The following LMNA variants were observed in gnomAD, a reference collection of about 807,000 sequenced individuals.
LMNA encodes lamin.
In LMNA, 20 loss-of-function variants were observed where a neutral mutation model predicts 70.4. The ratio of observed to expected loss-of-function variants is 0.28; its 90% CI spans 0.20 to 0.41. The LOEUF is 0.41. Among genes scored for constraint, LMNA ranks in the 10% least tolerant of loss-of-function variants. The pLI is 1.00. For missense variants in LMNA, 652 were observed against 917.2 expected (o/e 0.71, Z 3.73); for synonymous variants, 339 against 372.8 (o/e 0.91, Z 1.04).
intron 2 of LMNA, among the ~76,000 whole-genome samples, chr1:156,133,351 T>C (rs1204249241): frequency 6.6e-6 from 1 of 151,656 alleles, no homozygotes; most frequent in Admixed American, 6.6e-5. Flanking sequence ...GGTGGGCAGA[T>C]CACGAGGTCA....
chr1:156,118,441 T>A (rs1267705702), intron 1 of LMNA, among the ~76,000 whole-genome samples: 1 of 152,034 alleles, frequency 6.6e-6, no homozygotes. Flanking sequence ...AGGTGGTGTG[T>A]GTACTTGTTA....
intron 1 of LMNA, among the ~76,000 whole-genome samples, chr1:156,119,186 C>T (rs1479973802): frequency 2.0e-5 from 3 of 151,322 alleles, no homozygotes; most frequent in East Asian, 1.9e-4. Flanking sequence ...GGTGCGATCT[C>T]GGCTCATTGC....
chr1:156,115,414 C>T lies in LMNA; in HGVS notation c.356+140C>T. 2 of 771,604 alleles carry T rather than the reference C, an allele frequency of 2.6e-6. No homozygotes were observed. Among genetic ancestry groups the T allele is most frequent in the East Asian group, 2.7e-5 (1 of 37,432 alleles). 47.8% of individuals were successfully genotyped at this position (771,604 alleles called of 1,614,324 possible). ...ATAGTCTCCTCCCTCCCCGGAACTG[C>T]CCCCAGCGGGTGACTGGCAGTGTCA... On this transcript the variant is annotated intron_variant, in intron 1 of 11. Transcript: ENST00000368300. This position sits in a 1 kb window ranked among gnomAD's most constrained non-coding sequence, Gnocchi z 5.8.
At chr1:156,122,229 T>G (rs1224168548) in intron 1 of LMNA, among the ~76,000 whole-genome samples, 1 of 152,194 alleles carries the variant, frequency 6.6e-6, no homozygotes, top group Non-Finnish European at 1.5e-5. Context: ...TGTGGCCCTT[T>G]CACTAAATTG....
In LMNA at chr1:156,138,645, G is replaced by A; in HGVS notation, c.1856G>A (p.Ser619Asn). The A allele has an allele frequency of 6.2e-7, 1 of 1,613,608 alleles. No homozygotes were observed. Among genetic ancestry groups the A allele is most frequent in the Non-Finnish European group, 8.5e-7 (1 of 1,179,970 alleles). ...GPISSGSSAS[S>N]VTVTRSYRSV... The stretch of plus-strand genomic sequence containing the variant: ...ATCTCCTCTGGCTCTTCTGCCTCCA[G>A]TGTCACGGTCACTCGCAGCTACCGC... Residue 619 changes from serine (S) to asparagine (N), a missense_variant, in exon 11 of 12, where the codon AGT (serine) becomes AAT (asparagine). This residue lies in a region of LMNA where 327 missense variants were observed against 387.6 expected (regional missense o/e 0.84). Transcript: ENST00000368300. The surrounding 1 kb of genome is among the most constrained non-coding windows in gnomAD (Gnocchi z 5.5).
Position 156,115,208 on chromosome 1 carries a change from A to C in LMNA, c.290A>C (p.Lys97Thr), listed in dbSNP as rs1060502216. Residue 97 changes from lysine to threonine, a missense_variant, in exon 1 of 12, where the codon AAG becomes ACG. Around this residue, in one of 4 missense-constraint regions of LMNA, gnomAD observed 254 missense variants for 421.9 expected, o/e 0.60. Coordinates refer to ENST00000368300, the MANE Select transcript of LMNA (RefSeq NM_170707.4). This position sits in a 1 kb window ranked among gnomAD's most constrained non-coding sequence, Gnocchi z 5.8. ...DARKTLDSVA[K>T]ERARLQLELS... The stretch of plus-strand genomic sequence containing the variant: ...CGCAAGACCCTTGACTCAGTAGCCA[A>C]GGAGCGCGCCCGCCTGCAGCTGGAG... The C allele has an allele frequency of 5.6e-6, 9 of 1,612,924 alleles. No homozygotes were observed. The highest frequency in any genetic ancestry group is 4.0e-5 in the African/African-American group (3 of 74,948).
At chr1:156,130,046 T>A in intron 1 of LMNA, 1 of 611,628 alleles carries the variant, frequency 1.6e-6, no homozygotes. Context: ...GTCATCCTTG[T>A]CTGAGGTCCC....
At chr1:156,130,997 C>T (rs1651016158) in intron 2 of LMNA, among the ~76,000 whole-genome samples, 1 of 152,166 alleles carries the variant, frequency 6.6e-6, no homozygotes, top group Admixed American at 6.5e-5. Flanking sequence ...GGAGGCCGGG[C>T]ATGGTGGTTC....
rs748768783 is a variant in LMNA, at chr1:156,137,704, C to G, written c.1659C>G (p.Asp553Glu). ...GCTCAGTGACTGTGGTTGAGGACGA[C>G]GAGGATGAGGATGGAGATGACCTGC... is the stretch of plus-strand genomic sequence containing the variant. Reference protein sequence around the residue: ...LVRSVTVVEDDEDEDGDDLLH... With the variant: ...LVRSVTVVEDEEDEDGDDLLH... The change falls in exon 10 of 12, where the codon GAC becomes GAG. Residue 553 changes from aspartate (D) to glutamate (E), a missense_variant. Physicochemically the swap from Asp to Glu is conservative, Grantham distance 45. Transcript: ENST00000368300. This position sits in a 1 kb window ranked among gnomAD's most constrained non-coding sequence, Gnocchi z 4.6. 1.3e-6 allele frequency: 2 copies of G among 1,555,726 alleles called. No homozygotes were observed. Among genetic ancestry groups the G allele is most frequent in the African/African-American group, 1.4e-5 (1 of 73,704 alleles).
Position 156,084,333 on chromosome 1 carries a change from GGTGGT to G in LMNA, c.-319+1151_-319+1155del, listed in dbSNP as rs386635709. Among the ~76,000 whole-genome samples, 317 of 68,498 alleles carry G rather than the reference GGTGGT, an allele frequency of 4.6e-3. 47 individuals are homozygous for G. The highest frequency in any genetic ancestry group is 0.028 in the African/African-American group (271 of 9,750). 44.9% of individuals were successfully genotyped at this position (68,498 alleles called of 152,430 possible). A position where few individuals can be genotyped will look rare whatever the true frequency, so the allele number is the denominator to read the frequency against. Reference sequence around the variant, plus strand: ...AGCTGAGGATCTCAGAAGGTCGGGGGGTGGTGGGGGCAGTTGGCACACTGCAGGGA... The same window carrying G: ...AGCTGAGGATCTCAGAAGGTCGGGGGGGGGGCAGTTGGCACACTGCAGGGA... On this transcript the variant is annotated intron_variant, in intron 2 of 12. Coordinates refer to the LMNA transcript ENST00000368301.
intron 1 of LMNA, chr1:156,129,937 G>A (rs1450760488): frequency 2.7e-6 from 2 of 746,098 alleles, no homozygotes; most frequent in Non-Finnish European, 5.0e-6. Context: ...CCAGGGCACG[G>A]ATGAGGCAGG....
At chr1:156,092,520 A>G (rs1310616448) in intron 3 of LMNA, among the ~76,000 whole-genome samples, 1 of 151,898 alleles carries the variant, frequency 6.6e-6, no homozygotes, top group African/African-American at 2.4e-5. Flanking sequence ...CTCTACAAAA[A>G]ATACAAAAAT....
chr1:156,137,011 G>A lies in LMNA; in HGVS notation c.1471G>A (p.Ala491Thr). ...GTTCCCACCAAAGTTCACCCTGAAG[G>A]CTGGGCAGGTGGTGACGGTGAGTGG... The part of the protein sequence containing the change: ...YRFPPKFTLK[A>T]GQVVTIWAAG... Residue 491 changes from alanine (A) to threonine (T), a missense_variant, in exon 8 of 12, where the codon GCT (alanine) becomes ACT (threonine). This residue lies in a region of LMNA where 327 missense variants were observed against 387.6 expected (regional missense o/e 0.84). Transcript: ENST00000368300. This position sits in a 1 kb window ranked among gnomAD's most constrained non-coding sequence, Gnocchi z 4.6. The A allele has an allele frequency of 4.3e-6, 7 of 1,614,190 alleles. No homozygotes were observed. The highest frequency in any genetic ancestry group is 5.1e-6 in the Non-Finnish European group (6 of 1,180,026).
chr1:156,108,734 C>T (rs962801449), intron 3 of LMNA, among the ~76,000 whole-genome samples: 4 of 151,940 alleles, frequency 2.6e-5, no homozygotes, highest in Non-Finnish European at 4.4e-5. Flanking sequence ...CCATTGCACT[C>T]CAGCCCAGGC....
In LMNA at chr1:156,132,277, C is replaced by G. The variant is rs565242395; in HGVS notation, c.513+1504C>G. On this transcript the variant is annotated intron_variant, in intron 2 of 11. Transcript: ENST00000368300. ...CTGAGGTTAGGAGTTCGAGACTAGC[C>G]TGGCCAACATGGTGAAACCCCATCT... Among the ~76,000 whole-genome samples the G allele has an allele frequency of 2.6e-5, 4 of 152,214 alleles. No homozygotes were observed. In the South Asian group the frequency reaches 6.2e-4, roughly 24 times the overall value.
chr1:156,107,730 T>C (rs2102806678), intron 3 of LMNA, among the ~76,000 whole-genome samples: 1 of 152,316 alleles, frequency 6.6e-6, no homozygotes, highest in Non-Finnish European at 1.5e-5. Context: ...TTGCTGAGCC[T>C]GAGAAGAAAT....
Position 156,139,227 on chromosome 1 carries a change from GT to G in LMNA, c.*128del, listed in dbSNP as rs1651916892. 4 of 1,486,908 alleles carry G rather than the reference GT, an allele frequency of 2.7e-6. No individual in the cohort carries two copies. Among genetic ancestry groups the G allele is most frequent in the East Asian group, 2.5e-5 (1 of 39,804 alleles). The allele number at this position is 1,486,908 out of a possible 1,614,324, so 92.1% of individuals were successfully genotyped here. The stretch of plus-strand genomic sequence containing the variant: ...GAAGCCAAAGAAAAATAACCCTTTG[GT>G]TTTTTTCTTCTGTATTTTTTTTTCT... On this transcript the variant is annotated 3_prime_UTR_variant, in exon 12 of 12. Transcript: ENST00000368300.
Position 156,114,874 on chromosome 1 carries a change from T to C in LMNA, c.-45T>C. 1 of 1,396,988 alleles carries C rather than the reference T, an allele frequency of 7.2e-7. No homozygotes were observed. The highest frequency in any genetic ancestry group is 1.4e-5 in the African/African-American group (1 of 69,416). The allele number at this position is 1,396,988 out of a possible 1,614,324, so 86.5% of individuals were successfully genotyped here. On this transcript the variant is annotated 5_prime_UTR_variant, in exon 1 of 12. Transcript: ENST00000368300. ...TCCTTCGACCCGAGCCCCGCGCCCT[T>C]TCCGGGACCCCTGCCCCGCGGGCAG...
chr1:156,086,844 G>T (rs1377216766), intron 2 of LMNA, among the ~76,000 whole-genome samples: 1 of 152,166 alleles, frequency 6.6e-6, no homozygotes, highest in East Asian at 1.9e-4. Context: ...TCACCATCTT[G>T]ACCAGGCTGG....
Sources: allele counts gnomAD v4.1 joint callset (sites outside exome capture counted in the v4.1 genomes callset), GRCh38; gene constraint gnomAD v4.1.1; regional missense constraint gnomAD v4.1.1; non-coding constraint Gnocchi (gnomAD v3.1); transcripts MANE v1.5; gene names NCBI Gene and HGNC (gene_info 2026-07-23, HGNC 2026-07-21).